The following MOB4 variants were observed in gnomAD, a reference collection of about 807,000 sequenced individuals.
The protein encoded by MOB4 is MOB family member 4, phocein, also known as MOB-like protein phocein.
A neutral mutation model predicts 32.2 loss-of-function variants in MOB4; 4 were observed. The ratio of observed to expected loss-of-function variants is 0.12; its 90% CI spans 0.06 to 0.28. The LOEUF is 0.28. MOB4 is among the 10% of genes least tolerant of loss of function. The pLI is 1.00. For missense variants in MOB4, 158 were observed against 271.2 expected (o/e 0.58, Z 2.93); for synonymous variants, 88 against 88.1 (o/e 1.00, Z 0.01).
upstream of MOB4, chr2:197,516,003 C>A: frequency 7.1e-7 from 1 of 1,403,718 alleles, no homozygotes; most frequent in Non-Finnish European, 9.7e-7. Context: ...CTCCCAGACG[C>A]AGAGCGCCGC....
At chr2:197,532,203 C>G (rs1255489654) in intron 2 of MOB4, among the ~76,000 whole-genome samples, 2 of 152,180 alleles carry the variant, frequency 1.3e-5, no homozygotes, top group Non-Finnish European at 2.9e-5. Flanking sequence ...GCCATTGTGA[C>G]TGGCCAAAAT....
At chr2:197,526,350 C>T (rs1028569508) in intron 2 of MOB4, among the ~76,000 whole-genome samples, 7 of 152,076 alleles carry the variant, frequency 4.6e-5, no homozygotes, top group Admixed American at 2.0e-4. Flanking sequence ...GACAGTCTCG[C>T]TCTGTCACCA....
chr2:197,550,239 A>G, intron 6 of MOB4, 36 bp from the exon 7 acceptor site: 12 of 1,571,882 alleles, frequency 7.6e-6, no homozygotes, highest in South Asian at 1.2e-5. Context: ...GATTCTATCC[A>G]GTTCTAAGAA....
At chr2:197,548,144 G>C (rs2087030700) in intron 5 of MOB4, among the ~76,000 whole-genome samples, 192 bp from the exon 6 acceptor site, 1 of 152,098 alleles carries the variant, frequency 6.6e-6, no homozygotes, top group African/African-American at 2.4e-5. Flanking sequence ...CTAGAATTGT[G>C]ATATGGTTCA....
At chr2:197,535,769 A>C in intron 3 of MOB4, 139 bp downstream of exon 3, 1 of 903,828 alleles carries the variant, frequency 1.1e-6, no homozygotes, top group Non-Finnish European at 1.7e-6. Context: ...TTTCAGTGTC[A>C]CAAGGTTCTC....
intron 3 of MOB4, among the ~76,000 whole-genome samples, chr2:197,539,307 T>C (rs2086855803): frequency 6.9e-6 from 1 of 145,944 alleles, no homozygotes; most frequent in Admixed American, 7.3e-5. Context: ...CTCAGTGCAA[T>C]TGTAATGTAA....
At chr2:197,541,870 G>C (rs913749664) in intron 5 of MOB4, among the ~76,000 whole-genome samples, 3 of 151,822 alleles carry the variant, frequency 2.0e-5, no homozygotes, top group African/African-American at 7.3e-5. Context: ...AGTGAGCCGA[G>C]ATCCCGCCAC....
chr2:197,540,159 A>G lies in MOB4; in HGVS notation c.267+6A>G, dbSNP rs766055455. ...GACTTGCTGTCAAACTTCAGGTAATATTTTCTTTAAGTCAAAGTTATAATT... is the reference window on the plus strand; with the variant it reads ...GACTTGCTGTCAAACTTCAGGTAATGTTTTCTTTAAGTCAAAGTTATAATT... On this transcript the variant is annotated splice_donor_region_variant and intron_variant, in intron 4 of 7. Coordinates refer to ENST00000323303, the MANE Select transcript of MOB4 (RefSeq NM_015387.5). 10 of 1,602,870 alleles carry G rather than the reference A, an allele frequency of 6.2e-6. No individual in the cohort carries two copies. The highest frequency in any genetic ancestry group is 1.7e-5 in the Admixed American group (1 of 58,890).
intron 3 of MOB4, 81 bp downstream of exon 3, chr2:197,535,711 T>G: frequency 6.7e-7 from 1 of 1,500,072 alleles, no homozygotes. Flanking sequence ...ATTGTAAAAT[T>G]TACTATGTAA....
chr2:197,535,385 T>G (rs2086780668), intron 2 of MOB4, 145 bp from the exon 3 acceptor site: 1 of 601,972 alleles, frequency 1.7e-6, no homozygotes, highest in African/African-American at 1.9e-5. Context: ...AGTTACTGAT[T>G]ATGATTCTAT....
chr2:197,526,040 C>T (rs975636211), intron 2 of MOB4, among the ~76,000 whole-genome samples: 3 of 151,996 alleles, frequency 2.0e-5, no homozygotes, highest in Admixed American at 6.6e-5. Context: ...TTTTTCTTGC[C>T]TAATTGCTCT....
At chr2:197,533,722 CAAAAAAAAA>C (rs796816631) in intron 2 of MOB4, 2 of 142,434 alleles carry the variant, frequency 1.4e-5, no homozygotes, top group South Asian at 5.0e-5. Flanking sequence ...CAAAACTCCT[CAAAAAAAAA>C]AAAAAAAAAA....
intron 3 of MOB4, among the ~76,000 whole-genome samples, chr2:197,537,853 C>T (rs1313054138): frequency 6.6e-6 from 1 of 151,310 alleles, no homozygotes; most frequent in East Asian, 1.9e-4. Flanking sequence ...GATCTCGGCT[C>T]ATTGCAACCT....
chr2:197,521,648 C>T (rs1297076399), intron 1 of MOB4, among the ~76,000 whole-genome samples: 1 of 152,152 alleles, frequency 6.6e-6, no homozygotes, highest in African/African-American at 2.4e-5. Context: ...TAGACCCACC[C>T]CCAGGCGTGT....
In MOB4 at chr2:197,551,799, G is replaced by T. The variant is rs1412986595; in HGVS notation, c.*1153G>T. On this transcript the variant is annotated 3_prime_UTR_variant, in exon 8 of 8. Coordinates refer to ENST00000323303, the MANE Select transcript of MOB4 (RefSeq NM_015387.5). ...TTGGACTTTGTTATAATTCATTGTG[G>T]TAAGAATGATTGAAATGCAGATTTA... 1 of 152,232 alleles carries T rather than the reference G, an allele frequency of 6.6e-6. No individual in the cohort carries two copies. Among genetic ancestry groups the T allele is most frequent in the Non-Finnish European group, 1.5e-5 (1 of 68,008 alleles). The allele number at this position is 152,232 out of a possible 1,614,324, so 9.4% of individuals were successfully genotyped here.
At chr2:197,516,021 C>G, upstream of MOB4, 1 of 1,501,188 alleles carries the variant, frequency 6.7e-7, no homozygotes, top group Non-Finnish European at 9.0e-7. Context: ...CGCTCTGCCC[C>G]GCCCCCCGCG....
At chr2:197,523,816 C>A in intron 2 of MOB4, 130 bp downstream of exon 2, 1 of 787,398 alleles carries the variant, frequency 1.3e-6, no homozygotes, top group Non-Finnish European at 1.9e-6. Context: ...TTTCACAAAA[C>A]AAAACAAAAT....
chr2:197,519,495 TCTAGATTA>T (rs2086476677), intron 1 of MOB4, among the ~76,000 whole-genome samples: 1 of 152,186 alleles, frequency 6.6e-6, no homozygotes, highest in African/African-American at 2.4e-5. Context: ...TTAAATCAAC[TCTAGATTA>T]CTTAATAATA....
intron 1 of MOB4, among the ~76,000 whole-genome samples, chr2:197,520,237 C>G (rs1033367068): frequency 9.3e-5 from 14 of 149,882 alleles, no homozygotes; most frequent in Admixed American, 8.0e-4. Flanking sequence ...GGCTGGAGTG[C>G]AGTGCTGCAC....
Sources: gnomAD v4.1 joint callset for allele counts (sites outside exome capture counted in the v4.1 genomes callset) on GRCh38, gnomAD v4.1.1 for gene constraint, MANE v1.5 for transcripts, NCBI Gene and HGNC (gene_info 2026-07-23, HGNC 2026-07-21) for gene names.